The following GPHN variants were observed in gnomAD, a reference collection of about 807,000 sequenced individuals.
GPHN encodes the protein gephyrin.
In GPHN, 17 loss-of-function variants were observed where a neutral mutation model predicts 95.5. That is an observed-to-expected ratio of 0.18 (90% CI 0.12 to 0.27). GPHN has a LOEUF of 0.27. GPHN is among the 10% of genes least tolerant of loss of function. The pLI is 1.00. For synonymous variants in GPHN, 320 were observed against 322.5 expected (o/e 0.99, Z 0.08); for missense variants, 660 against 978.1 (o/e 0.67, Z 4.34).
the GPHN span, chr14:67,223,778 CCT>C: frequency 7.1e-6 from 7 of 985,150 alleles, no homozygotes; most frequent in Non-Finnish European, 8.4e-6. Flanking sequence ...CAGTTTTTCC[CCT>C]GATTAGCATT....
rs1287767064 is a variant in GPHN, at chr14:66,922,774, C to T, written c.565C>T (p.Pro189Ser). Residue 189 changes from proline to serine, a missense_variant, in exon 7 of 23, where the codon CCA becomes TCA. Physicochemically the swap from Pro to Ser is moderately conservative, Grantham distance 74 (BLOSUM62 -1). Transcript: ENST00000478722. ...TGATGAACTTGAAGATTTGCCTTCC[C>T]CACCTCCCCCTCTTTCCCCTCCTCC... Reference protein sequence around the residue: ...VHDELEDLPSPPPPLSPPPTT... With the variant: ...VHDELEDLPSSPPPLSPPPTT... The T allele has an allele frequency of 6.2e-7, 1 of 1,613,524 alleles. No homozygotes were observed. The highest frequency in any genetic ancestry group is 2.2e-5 in the East Asian group (1 of 44,858).
chr14:66,595,179 C>G (rs985269862), intron 1 of GPHN, among the ~76,000 whole-genome samples: 1 of 151,976 alleles, frequency 6.6e-6, no homozygotes, highest in Non-Finnish European at 1.5e-5. Flanking sequence ...AAAAGAGAAC[C>G]CTTGAAGACT....
At chr14:67,697,308 G>A in the GPHN span, among the ~76,000 whole-genome samples, 1 of 152,312 alleles carries the variant, frequency 6.6e-6, no homozygotes, top group African/African-American at 2.4e-5. Context: ...AGGCTTATTT[G>A]AGGAAATAAC....
At chr14:67,607,435 C>T in the GPHN span, among the ~76,000 whole-genome samples, 1 of 152,130 alleles carries the variant, frequency 6.6e-6, no homozygotes, top group Non-Finnish European at 1.5e-5. Flanking sequence ...GGCGCGATCT[C>T]GGCTCACTGC....
Position 67,181,528 on chromosome 14 carries a change from T to C in GPHN, c.*591T>C, listed in dbSNP as rs1247403976. Reference sequence around the variant, plus strand: ...CCAATAGCCTCACGGCACAGTACTCTTGGGCAGTAACTGGACACCTTTTAT... The same window carrying C: ...CCAATAGCCTCACGGCACAGTACTCCTGGGCAGTAACTGGACACCTTTTAT... On this transcript the variant is annotated 3_prime_UTR_variant, in exon 23 of 23. Coordinates refer to ENST00000478722, the MANE Select transcript of GPHN (RefSeq NM_020806.5). 2.0e-6 allele frequency: 1 copy of C among 504,884 alleles called. No homozygotes were observed. Among genetic ancestry groups the C allele is most frequent in the Non-Finnish European group, 3.9e-6 (1 of 259,374 alleles). The allele number at this position is 504,884 out of a possible 1,614,324, so 31.3% of individuals were successfully genotyped here. A position where few individuals can be genotyped will look rare whatever the true frequency, so the allele number is the denominator to read the frequency against.
intron 11 of GPHN, 30 bp from the exon 12 acceptor site, chr14:67,088,953 T>TAA (rs2077018707): frequency 1.5e-6 from 2 of 1,292,788 alleles, no homozygotes; most frequent in African/African-American, 2.9e-5. Context: ...CTCTCCATAT[T>TAA]TACATTTTCC....
At chr14:66,748,587 G>A (rs151058419) in intron 2 of GPHN, among the ~76,000 whole-genome samples, 20 of 152,050 alleles carry the variant, frequency 1.3e-4, no homozygotes, top group Non-Finnish European at 2.5e-4. Flanking sequence ...TTCCATGGGT[G>A]TGGACAAATG....
At chr14:66,947,312 A>G (rs1567136596) in intron 8 of GPHN, among the ~76,000 whole-genome samples, 1 of 152,188 alleles carries the variant, frequency 6.6e-6, no homozygotes, top group Non-Finnish European at 1.5e-5. Context: ...TGTGATCCAC[A>G]CTGCCCACCT....
At chr14:67,225,921 C>CTGTGTGTGTGTGTGTGTG in the GPHN span, among the ~76,000 whole-genome samples, 1 of 84,944 alleles carries the variant, frequency 1.2e-5, no homozygotes, top group East Asian at 2.8e-4. Flanking sequence ...AAAGCTAATG[C>CTGTGTGTGTGTGTGTGTG]TGTGAGTGTG....
intron 10 of GPHN, among the ~76,000 whole-genome samples, chr14:67,041,751 T>A (rs2074717344): frequency 6.6e-6 from 1 of 152,188 alleles, no homozygotes. Flanking sequence ...GATTGCTGGG[T>A]CAAATGGTAT....
chr14:67,119,958 C>T (rs984981783), intron 16 of GPHN, among the ~76,000 whole-genome samples: 3 of 151,930 alleles, frequency 2.0e-5, no homozygotes, highest in Non-Finnish European at 2.9e-5. Flanking sequence ...GGCAAACCCC[C>T]GTCTCTACTA....
chr14:66,656,255 A>G (rs962002098), intron 1 of GPHN, among the ~76,000 whole-genome samples: 2 of 152,172 alleles, frequency 1.3e-5, no homozygotes, highest in African/African-American at 4.8e-5. Context: ...TTAAAATACA[A>G]ATCCAATGAT....
At chr14:66,840,656 G>A (rs886274289) in intron 4 of GPHN, among the ~76,000 whole-genome samples, 1 of 146,790 alleles carries the variant, frequency 6.8e-6, no homozygotes, top group Admixed American at 7.1e-5. Context: ...ATTTCTACGT[G>A]TCATGAAATA....
chr14:67,387,905 G>A, the GPHN span, among the ~76,000 whole-genome samples: 1 of 152,174 alleles, frequency 6.6e-6, no homozygotes, highest in Admixed American at 6.6e-5. Flanking sequence ...TTAGTATTAT[G>A]ATACATATTA....
the GPHN span, among the ~76,000 whole-genome samples, chr14:67,598,288 G>T: frequency 6.6e-6 from 1 of 152,152 alleles, no homozygotes; most frequent in Non-Finnish European, 1.5e-5. Flanking sequence ...CTTGATGGGG[G>T]TAAGCAGAGT....
chr14:67,505,595 C>A, the GPHN span, among the ~76,000 whole-genome samples: 2 of 152,234 alleles, frequency 1.3e-5, no homozygotes, highest in South Asian at 2.1e-4. Flanking sequence ...CAGGTCTTCT[C>A]TGAGATGGTC....
At chr14:67,593,244 C>G in the GPHN span, 1 of 172,552 alleles carries the variant, frequency 5.8e-6, no homozygotes, top group South Asian at 1.4e-4. Flanking sequence ...AAACTGAACA[C>G]TTGGGGAGGC....
At chr14:67,302,525 G>C in the GPHN span, 1 of 1,589,400 alleles carries the variant, frequency 6.3e-7, no homozygotes, top group Non-Finnish European at 8.6e-7. Context: ...GAGATTAATG[G>C]CATTGAAATT....
intron 1 of GPHN, among the ~76,000 whole-genome samples, chr14:66,675,146 G>GTTTTTTTTTTTTTTTTTTTTTTTGTTTT (rs60014934): frequency 7.4e-6 from 1 of 135,446 alleles, no homozygotes; most frequent in African/African-American, 2.8e-5. Context: ...TCTTTTTCCA[G>GTTTTTTTTTTTTTTTTTTTTTTTGTTTT]TTTTTTTTTT....
Sources: allele counts gnomAD v4.1 joint callset (sites outside exome capture counted in the v4.1 genomes callset), GRCh38; gene constraint gnomAD v4.1.1; transcripts MANE v1.5; gene names NCBI Gene and HGNC (gene_info 2026-07-23, HGNC 2026-07-21).